CSMD1: variants seen among roughly 807,000 people sequenced by gnomAD.
The protein encoded by CSMD1 is CUB and sushi domain-containing protein 1.
A neutral mutation model predicts 417.5 loss-of-function variants in CSMD1; 213 were observed. The observed-to-expected ratio is 0.51, with a 90% CI of 0.46 to 0.57. CSMD1 has a LOEUF of 0.57. CSMD1 is among the 20% of genes least tolerant of loss of function. The pLI, the probability that CSMD1 is intolerant of heterozygous loss-of-function variation, is 0.00. For missense variants in CSMD1, 6,923 were observed against 4,529.7 expected, an observed-to-expected ratio of 1.53 and a Z score of -15.17; for synonymous variants, 2,862 against 1,736.8, an observed-to-expected ratio of 1.65 and a Z score of -16.11.
chr8:3,612,344 T>A (rs2449239), intron 8 of CSMD1, among the ~76,000 whole-genome samples: 19,611 of 152,080 alleles, frequency 0.13, 1,515 homozygotes, highest in African/African-American at 0.2. Flanking sequence ...ATAGACAGAT[T>A]CACAATTTTA....
Position 4,604,414 on chromosome 8 carries a change from C to T in CSMD1, c.302+32928G>A, listed in dbSNP as rs1056792638. 1.0e-3 allele frequency among the ~76,000 whole-genome samples: 82 copies of T among 79,110 alleles called. 1 individual carries two copies. The highest frequency in any genetic ancestry group is 3.6e-3 in the African/African-American group (73 of 20,390). 51.9% of individuals were successfully genotyped at this position (79,110 alleles called of 152,430 possible). A position where few individuals can be genotyped will look rare whatever the true frequency, so the allele number is the denominator to read the frequency against. ...GTGTGTGTGTGTGTGTGTGTGTGCG[C>T]GTGCGTAAAGACTAGGATCTCCAGG... On this transcript the variant is annotated intron_variant, in intron 2 of 69. Coordinates refer to ENST00000635120, the MANE Select transcript of CSMD1 (RefSeq NM_033225.6).
At chr8:3,437,720 A>G (rs546267732) in intron 12 of CSMD1, among the ~76,000 whole-genome samples, 5 of 151,970 alleles carry the variant, frequency 3.3e-5, no homozygotes, top group Admixed American at 2.6e-4. Flanking sequence ...GTTCCCACCA[A>G]AGCCACTATA....
At chr8:4,936,870 T>C (rs1323062396) in intron 1 of CSMD1, among the ~76,000 whole-genome samples, 2 of 150,778 alleles carry the variant, frequency 1.3e-5, no homozygotes, top group Non-Finnish European at 2.9e-5. Context: ...TTTGACTAGG[T>C]TTTTTGTTCA....
chr8:4,587,972 A>G (rs1487146490), intron 2 of CSMD1, among the ~76,000 whole-genome samples: 1 of 152,222 alleles, frequency 6.6e-6, no homozygotes, highest in Non-Finnish European at 1.5e-5. Flanking sequence ...ATACCCAGCA[A>G]CATCAACTAG....
chr8:4,764,071 T>C (rs1812290097), intron 1 of CSMD1, among the ~76,000 whole-genome samples: 1 of 152,218 alleles, frequency 6.6e-6, no homozygotes, highest in Non-Finnish European at 1.5e-5. Context: ...CAGCACTCTG[T>C]CTGCATCATC....
chr8:3,641,920 G>A (rs1298939981), intron 7 of CSMD1, among the ~76,000 whole-genome samples: 1 of 152,152 alleles, frequency 6.6e-6, no homozygotes, highest in African/African-American at 2.4e-5. Flanking sequence ...TTCTGATTAA[G>A]GTTAGCAAAA....
intron 12 of CSMD1, among the ~76,000 whole-genome samples, chr8:3,434,973 T>TCCCC (rs965907962): frequency 6.6e-6 from 1 of 151,944 alleles, no homozygotes; most frequent in Non-Finnish European, 1.5e-5. Flanking sequence ...GATCCATTTA[T>TCCCC]CCCCCCAGGG....
intron 2 of CSMD1, among the ~76,000 whole-genome samples, chr8:4,515,572 G>C (rs1803070251): frequency 6.6e-6 from 1 of 152,164 alleles, no homozygotes; most frequent in South Asian, 2.1e-4. Flanking sequence ...TTAAATTCAA[G>C]TCTGGATATA....
At chr8:4,439,059 G>C (rs1227638297) in intron 2 of CSMD1, among the ~76,000 whole-genome samples, 6 of 152,084 alleles carry the variant, frequency 3.9e-5, no homozygotes, top group African/African-American at 1.4e-4. Flanking sequence ...GCTGATATAG[G>C]TCTTATTGGC....
chr8:4,229,640 A>G (rs753039598), intron 3 of CSMD1, among the ~76,000 whole-genome samples: 3 of 152,100 alleles, frequency 2.0e-5, no homozygotes, highest in Non-Finnish European at 4.4e-5. Context: ...CCTCTTCTCC[A>G]GCTGCTTAAA....
At chr8:3,533,167 G>C (rs1462011635) in intron 10 of CSMD1, among the ~76,000 whole-genome samples, 1 of 152,132 alleles carries the variant, frequency 6.6e-6, no homozygotes, top group Non-Finnish European at 1.5e-5. Context: ...ATCAAATTCT[G>C]TGCCAAAAAT....
chr8:3,558,287 C>G (rs538348909), intron 10 of CSMD1, among the ~76,000 whole-genome samples: 4 of 150,272 alleles, frequency 2.7e-5, no homozygotes, highest in Non-Finnish European at 4.4e-5. Flanking sequence ...TGAATGGTGC[C>G]TCAATGGAAC....
intron 11 of CSMD1, among the ~76,000 whole-genome samples, chr8:3,491,428 C>A (rs142357635): frequency 7.2e-5 from 11 of 152,182 alleles, no homozygotes; most frequent in African/African-American, 2.6e-4. Context: ...GTGCATGGTG[C>A]GTAAAAGATA....
chr8:3,740,887 C>T (rs868245247), intron 6 of CSMD1, among the ~76,000 whole-genome samples: 47 of 152,164 alleles, frequency 3.1e-4, no homozygotes, highest in Middle Eastern at 6.8e-3. Flanking sequence ...TACTCAGCTT[C>T]TGTGCCCAGG....
chr8:3,784,542 C>G (rs1468500041), intron 5 of CSMD1, among the ~76,000 whole-genome samples: 1 of 152,042 alleles, frequency 6.6e-6, no homozygotes, highest in Non-Finnish European at 1.5e-5. Context: ...CCAACTGGTC[C>G]CTCATGGTCA....
In CSMD1 at chr8:3,570,960, T is replaced by C. The variant is rs974021811; in HGVS notation, c.1344+3985A>G. 2.0e-5 allele frequency among the ~76,000 whole-genome samples: 3 copies of C among 152,326 alleles called. 1 individual carries two copies. Among genetic ancestry groups the C allele is most frequent in the South Asian group, 4.1e-4 (2 of 4,828 alleles). ...AAATAATAGAAACTAAAATGTGCTA[T>C]AGGCACATCTTTCATATAGAATAAA... On this transcript the variant is annotated intron_variant, in intron 10 of 69. Coordinates refer to ENST00000635120, the MANE Select transcript of CSMD1 (RefSeq NM_033225.6).
chr8:3,026,234 C>T (rs1267633544), intron 51 of CSMD1, among the ~76,000 whole-genome samples: 4 of 151,948 alleles, frequency 2.6e-5, no homozygotes, highest in Non-Finnish European at 5.9e-5. Context: ...AGTATTTCCC[C>T]ATCAGCAGCA....
Position 3,585,992 on chromosome 8 carries a change from T to G in CSMD1, c.1222+144A>C, listed in dbSNP as rs867200732. 59 of 815,792 alleles carry G rather than the reference T, an allele frequency of 7.2e-5. 1 individual carries two copies. In the Middle Eastern group the frequency reaches 2.2e-3, roughly 30 times the overall value. The allele number at this position is 815,792 out of a possible 1,614,324, so 50.5% of individuals were successfully genotyped here. ...AATTCCAAGGAAAGGTTTCTGTTAT[T>G]ACCCACATCACTATGAAAACATACA... On this transcript the variant is annotated intron_variant, in intron 9 of 69. Transcript: ENST00000635120.
At chr8:3,231,694 A>G (rs1309707518) in intron 26 of CSMD1, among the ~76,000 whole-genome samples, 1 of 152,190 alleles carries the variant, frequency 6.6e-6, no homozygotes, top group Non-Finnish European at 1.5e-5. Context: ...GCAGATTAAA[A>G]GACCAAAGCT....
Sources: gnomAD v4.1 joint callset for allele counts (sites outside exome capture counted in the v4.1 genomes callset) on GRCh38, gnomAD v4.1.1 for gene constraint, MANE v1.5 for transcripts, NCBI Gene and HGNC (gene_info 2026-07-23, HGNC 2026-07-21) for gene names.